Variants in GATC observed in about 807,000 individuals in gnomAD.
The protein encoded by GATC is glutamyl-tRNA amidotransferase subunit C, also known as glutamyl-tRNA(Gln) amidotransferase subunit C, mitochondrial.
A neutral mutation model predicts 14.4 loss-of-function variants in GATC; 11 were observed. The ratio of observed to expected loss-of-function variants is 0.77; its 90% CI spans 0.48 to 1.27. The LOEUF (loss-of-function observed/expected upper bound fraction) is 1.27, where lower values mean the gene tolerates loss of function less well. Among genes scored for constraint, GATC ranks in the 50% most tolerant of loss-of-function variants. The pLI, the probability that GATC is intolerant of heterozygous loss-of-function variation, is 0.00. For missense variants in GATC, 204 were observed against 183.0 expected (o/e 1.11, Z -0.66); for synonymous variants, 76 against 79.3 (o/e 0.96, Z 0.22).
intron 2 of GATC, among the ~76,000 whole-genome samples, chr12:120,455,364 T>TC (rs1456293372): frequency 6.6e-6 from 1 of 151,788 alleles, no homozygotes; most frequent in African/African-American, 2.4e-5. Context: ...AGATGTGGTT[T>TC]CCCCACGTTG....
chr12:120,458,897 G>A (rs1247882503), intron 3 of GATC, among the ~76,000 whole-genome samples: 1 of 152,196 alleles, frequency 6.6e-6, no homozygotes, highest in African/African-American at 2.4e-5. Context: ...GTCTTGCTCT[G>A]TTGCCCAAGC....
chr12:120,455,457 C>T (rs1238891280), intron 2 of GATC, among the ~76,000 whole-genome samples: 1 of 152,062 alleles, frequency 6.6e-6, no homozygotes, highest in Non-Finnish European at 1.5e-5. Flanking sequence ...GCAAGAGCCA[C>T]CACACCTGGC....
rs1878381484 is a variant in GATC at position 120,462,623 on chromosome 12, A to C, written c.*2664A>C. 6.5e-6 allele frequency: 1 copy of C among 153,044 alleles called. No individual in the cohort carries two copies. The highest frequency in any genetic ancestry group is 1.5e-5 in the Non-Finnish European group (1 of 68,650). 9.5% of individuals were successfully genotyped at this position (153,044 alleles called of 1,614,324 possible). On this transcript the variant is annotated 3_prime_UTR_variant, in exon 4 of 4. Coordinates refer to ENST00000551765, the MANE Select transcript of GATC (RefSeq NM_176818.3). ...TGTGAGGACCTGAGCTAGATGCTTT[A>C]GACGTTATCCTCTTGCTCTAGATTC... is the stretch of plus-strand genomic sequence containing the variant.
chr12:120,453,594 T>C (rs1878105197), intron 2 of GATC, among the ~76,000 whole-genome samples: 1 of 152,188 alleles, frequency 6.6e-6, no homozygotes, highest in Admixed American at 6.5e-5. Context: ...TTCAGTGTTT[T>C]ATATAATTCT....
intron 2 of GATC, among the ~76,000 whole-genome samples, chr12:120,453,675 G>A (rs917985726): frequency 6.6e-5 from 10 of 151,986 alleles, no homozygotes; most frequent in African/African-American, 2.4e-4. Context: ...CAGAGACCGT[G>A]GGTTCAGGAG....
chr12:120,450,963 GA>G (rs1355483946), intron 2 of GATC, among the ~76,000 whole-genome samples: 1 of 151,886 alleles, frequency 6.6e-6, no homozygotes, highest in Non-Finnish European at 1.5e-5. Flanking sequence ...CCAACATGGC[GA>G]AACCCTGTTT....
chr12:120,451,688 G>A (rs1359984464), intron 2 of GATC, among the ~76,000 whole-genome samples: 1 of 150,510 alleles, frequency 6.6e-6, no homozygotes, highest in Non-Finnish European at 1.5e-5. Flanking sequence ...GTTGCAGTGA[G>A]CCGAGATCAC....
At chr12:120,456,174 C>G (rs1878179567) in intron 2 of GATC, among the ~76,000 whole-genome samples, 1 of 152,138 alleles carries the variant, frequency 6.6e-6, no homozygotes, top group Non-Finnish European at 1.5e-5. Context: ...ATCTAAGTAT[C>G]TGGAAGCAGG....
rs187091912 is a variant in GATC, at chr12:120,463,693, T to G, written c.*3734T>G. On this transcript the variant is annotated 3_prime_UTR_variant, in exon 4 of 4. Coordinates refer to ENST00000551765, the MANE Select transcript of GATC (RefSeq NM_176818.3). ...TATTCTCTCCAGGTTACAAATACCA[T>G]GACCAAACTGTGTAATGTGATACTA... The G allele has an allele frequency of 7.6e-5, 26 of 342,110 alleles. No individual in the cohort carries two copies. The highest frequency in any genetic ancestry group is 5.0e-4 in the African/African-American group (24 of 47,688). The allele number at this position is 342,110 out of a possible 1,614,324, so 21.2% of individuals were successfully genotyped here.
chr12:120,451,875 C>CTTTTTTTTTTCT lies in GATC; in HGVS notation c.254+5056_254+5057insCTTTTTTTTTTT, dbSNP rs1878056250. ...CAGGGGCTAATAAATTATATAAATT[C>CTTTTTTTTTTCT]TTTTTTTTTTTTTTTTTTTTGAGCT... On this transcript the variant is annotated intron_variant, in intron 2 of 3. Coordinates refer to ENST00000551765, the MANE Select transcript of GATC (RefSeq NM_176818.3). Among the ~76,000 whole-genome samples the CTTTTTTTTTTCT allele has an allele frequency of 1.9e-4, 17 of 90,840 alleles. 1 individual carries two copies. In the East Asian group the frequency reaches 4.7e-3, roughly 25 times the overall value. 59.6% of individuals were successfully genotyped at this position (90,840 alleles called of 152,430 possible).
intron 2 of GATC, among the ~76,000 whole-genome samples, chr12:120,453,133 A>C (rs966823742): frequency 2.2e-5 from 3 of 137,430 alleles, no homozygotes; most frequent in African/African-American, 5.1e-5. Flanking sequence ...GATAGCAGAA[A>C]AGAAGCTCAA....
chr12:120,447,114 T>A (rs536362863), intron 2 of GATC, among the ~76,000 whole-genome samples: 3 of 151,570 alleles, frequency 2.0e-5, no homozygotes, highest in Non-Finnish European at 2.9e-5. Context: ...TCTCGCTGTG[T>A]TGCCTAGGCT....
intron 2 of GATC, 101 bp from the exon 3 acceptor site, chr12:120,456,975 A>C (rs923176981): frequency 1.6e-5 from 12 of 759,158 alleles, no homozygotes; most frequent in Admixed American, 1.4e-4. Context: ...CATTAACTCA[A>C]GAATATACTG....
At chr12:120,453,364 G>T (rs1878100265) in intron 2 of GATC, among the ~76,000 whole-genome samples, 2 of 152,184 alleles carry the variant, frequency 1.3e-5, no homozygotes, top group Non-Finnish European at 2.9e-5. Flanking sequence ...AGCCAAACCA[G>T]AACACAGAAA....
At chr12:120,454,704 C>T (rs1389462393) in intron 2 of GATC, among the ~76,000 whole-genome samples, 2 of 151,664 alleles carry the variant, frequency 1.3e-5, no homozygotes, top group Non-Finnish European at 2.9e-5. Context: ...CATGAGGCAC[C>T]GCGCCCGGCC....
rs1348291783 is a variant in GATC at position 120,460,846 on chromosome 12, A to C, written c.*887A>C. 1 of 152,108 alleles carries C rather than the reference A, an allele frequency of 6.6e-6. No individual in the cohort carries two copies. Among genetic ancestry groups the C allele is most frequent in the Non-Finnish European group, 1.5e-5 (1 of 68,040 alleles). The allele number at this position is 152,108 out of a possible 1,614,324, so 9.4% of individuals were successfully genotyped here. A position where few individuals can be genotyped will look rare whatever the true frequency, so the allele number is the denominator to read the frequency against. The stretch of plus-strand genomic sequence containing the variant: ...CGGTGAAACCTCATCTCTACTAAAA[A>C]TACAAAAAATTAGCTGGGTGTGATG... On this transcript the variant is annotated 3_prime_UTR_variant, in exon 4 of 4. Coordinates refer to ENST00000551765, the MANE Select transcript of GATC (RefSeq NM_176818.3).
chr12:120,452,275 G>A (rs1878071707), intron 2 of GATC, among the ~76,000 whole-genome samples: 1 of 152,098 alleles, frequency 6.6e-6, no homozygotes, highest in Non-Finnish European at 1.5e-5. Context: ...GTTATATAAT[G>A]TGCCCAAAGT....
rs1877881480 is a variant in GATC, at chr12:120,446,772, G to C, written c.197G>C (p.Arg66Pro). Residue 66 changes from arginine to proline, a missense_variant, in exon 2 of 4, where the codon CGG becomes CCG. Transcript: ENST00000551765. ...GAGAAAGCTATCGCCTTCGCCGACC[G>C]GCTACGCGCCGTGGACACAGACGGG... ...RLEKAIAFAD[R>P]LRAVDTDGVE... 1 of 1,613,858 alleles carries C rather than the reference G, an allele frequency of 6.2e-7. No individual in the cohort carries two copies.
chr12:120,463,419 A>C lies in GATC; in HGVS notation c.*3460A>C, dbSNP rs553421702. On this transcript the variant is annotated 3_prime_UTR_variant, in exon 4 of 4. Transcript: ENST00000551765. ...TGTCTCTAAAATCAAAAATTAGAGA[A>C]ATATAAAAATTATAAAATTAAAAAA... is the stretch of plus-strand genomic sequence containing the variant. The C allele has an allele frequency of 6.6e-6, 1 of 152,276 alleles. No homozygotes were observed. Among genetic ancestry groups the C allele is most frequent in the East Asian group, 1.9e-4 (1 of 5,174 alleles). 9.4% of individuals were successfully genotyped at this position (152,276 alleles called of 1,614,324 possible).
Sources: gnomAD v4.1 joint callset for allele counts (sites outside exome capture counted in the v4.1 genomes callset) on GRCh38, gnomAD v4.1.1 for gene constraint, MANE v1.5 for transcripts, NCBI Gene and HGNC (gene_info 2026-07-23, HGNC 2026-07-21) for gene names.